TLCD4: variants seen among roughly 807,000 people sequenced by gnomAD.
TLCD4 encodes TLC domain containing 4.
In TLCD4, 7 loss-of-function variants were observed where a neutral mutation model predicts 24.2. That is an observed-to-expected ratio of 0.29 (90% CI 0.16 to 0.54). The LOEUF is 0.54. Ranked by LOEUF, TLCD4 falls within the 20% of genes least tolerant of loss-of-function variation. TLCD4 has a pLI of 0.95. For missense variants in TLCD4, 259 were observed against 313.9 expected (o/e 0.82, Z 1.32); for synonymous variants, 103 against 106.4 (o/e 0.97, Z 0.20).
chr1:95,152,440 T>G (rs561921497), intron 5 of TLCD4, among the ~76,000 whole-genome samples: 29 of 152,154 alleles, frequency 1.9e-4, no homozygotes, highest in Non-Finnish European at 4.1e-4. Flanking sequence ...TTAATACTTA[T>G]GTAACCATTT....
chr1:95,166,921 C>T (rs146988818), intron 5 of TLCD4, among the ~76,000 whole-genome samples: 1 of 151,836 alleles, frequency 6.6e-6, no homozygotes, highest in Non-Finnish European at 1.5e-5. Context: ...TTTTTGTAGA[C>T]GTGGGGTCTT....
intron 1 of TLCD4, among the ~76,000 whole-genome samples, chr1:95,118,316 C>T (rs1310573086): frequency 3.3e-5 from 5 of 152,172 alleles, no homozygotes. Context: ...GTAATGCCAG[C>T]AGTTTCCTAC....
intron 6 of TLCD4, among the ~76,000 whole-genome samples, chr1:95,183,943 G>C (rs1035399899): frequency 6.6e-6 from 1 of 152,134 alleles, no homozygotes; most frequent in African/African-American, 2.4e-5. Context: ...AGTAGTAGGG[G>C]AACCAAAATA....
At position 95,184,621 on chromosome 1, in the gene TLCD4, A is replaced by G. The variant is rs1488352568; in HGVS notation, c.474-6929A>G. On this transcript the variant is annotated intron_variant, in intron 6 of 6. Transcript: ENST00000370203. ...GAGGATTGTATTAATAAATACATAC[A>G]ATTTGCTGTCTTTTATGCCTGTCTT... Among the ~76,000 whole-genome samples, 5 of 152,164 alleles carry G rather than the reference A, an allele frequency of 3.3e-5. No homozygotes were observed. In the East Asian group the frequency reaches 9.6e-4, roughly 29 times the overall value.
upstream of TLCD4, among the ~76,000 whole-genome samples, chr1:95,114,812 C>A (rs1169209622): frequency 1.3e-5 from 2 of 150,286 alleles, no homozygotes; most frequent in Non-Finnish European, 3.0e-5. Flanking sequence ...GGCAACAGAG[C>A]AAGACTCTGT....
intron 5 of TLCD4, among the ~76,000 whole-genome samples, chr1:95,153,543 C>G (rs1677548394): frequency 6.6e-6 from 1 of 152,126 alleles, no homozygotes; most frequent in Non-Finnish European, 1.5e-5. Context: ...ATGATTGCAT[C>G]TCAGTTATGC....
At chr1:95,173,718 GTTATA>G in intron 5 of TLCD4, 93 bp from the exon 6 acceptor site, 1 of 1,503,758 alleles carries the variant, frequency 6.7e-7, no homozygotes, top group Non-Finnish European at 9.1e-7. Flanking sequence ...GGTATTGATT[GTTATA>G]TTATGCTGAG....
At chr1:95,189,215 G>A (rs1282576001) in intron 6 of TLCD4, among the ~76,000 whole-genome samples, 1 of 152,018 alleles carries the variant, frequency 6.6e-6, no homozygotes, top group Admixed American at 6.6e-5. Flanking sequence ...TTGTTTTTGC[G>A]TGAACTAGAG....
chr1:95,159,952 A>T (rs111454048), intron 5 of TLCD4, among the ~76,000 whole-genome samples: 20 of 152,140 alleles, frequency 1.3e-4, no homozygotes, highest in African/African-American at 4.8e-4. Context: ...TGCCTCCAGC[A>T]TTGTTCTTTT....
chr1:95,160,980 T>A (rs973278958), intron 5 of TLCD4, among the ~76,000 whole-genome samples: 3 of 152,222 alleles, frequency 2.0e-5, no homozygotes, highest in African/African-American at 7.2e-5. Context: ...TTGTTGTGTC[T>A]CTGCCAGGCT....
At chr1:95,126,118 G>A (rs1448219304) in intron 1 of TLCD4, among the ~76,000 whole-genome samples, 4 of 145,946 alleles carry the variant, frequency 2.7e-5, no homozygotes, top group East Asian at 4.1e-4. Flanking sequence ...ATAGCGAGAC[G>A]CCATCACTAT....
At chr1:95,142,928 T>A (rs1677246352) in intron 1 of TLCD4, among the ~76,000 whole-genome samples, 1 of 107,660 alleles carries the variant, frequency 9.3e-6, no homozygotes, top group Admixed American at 1.5e-4. Context: ...CACTCTAGCC[T>A]GGGGGACACA....
the TLCD4 span, among the ~76,000 whole-genome samples, chr1:95,095,507 C>T: frequency 2.0e-5 from 3 of 152,112 alleles, no homozygotes; most frequent in Non-Finnish European, 4.4e-5. Context: ...AAGTGATTCT[C>T]CTGCCTCAGC....
chr1:95,093,245 T>C, the TLCD4 span, among the ~76,000 whole-genome samples: 2 of 152,158 alleles, frequency 1.3e-5, no homozygotes, highest in Non-Finnish European at 2.9e-5. Flanking sequence ...TCAAGGAATT[T>C]CTTTCATGGC....
intron 1 of TLCD4, among the ~76,000 whole-genome samples, chr1:95,134,786 A>T (rs1676999348): frequency 6.6e-6 from 1 of 152,220 alleles, no homozygotes; most frequent in South Asian, 2.1e-4. Context: ...CAACAGGCCC[A>T]GAGATTGTAT....
chr1:95,130,161 T>A (rs1367509708), intron 1 of TLCD4, among the ~76,000 whole-genome samples: 2 of 150,526 alleles, frequency 1.3e-5, no homozygotes, highest in Admixed American at 6.6e-5. Flanking sequence ...TTATTTAATT[T>A]ATTTTTTTTT....
chr1:95,106,892 A>C, the TLCD4 span, among the ~76,000 whole-genome samples: 2 of 152,228 alleles, frequency 1.3e-5, no homozygotes, highest in African/African-American at 4.8e-5. Context: ...TGAATGCAGC[A>C]TATGCATTTT....
At chr1:95,180,989 C>A (rs757470282) in intron 6 of TLCD4, among the ~76,000 whole-genome samples, 1 of 151,970 alleles carries the variant, frequency 6.6e-6, no homozygotes, top group East Asian at 1.9e-4. Flanking sequence ...CCCAACTACT[C>A]GGGATGCTGA....
intron 5 of TLCD4, among the ~76,000 whole-genome samples, chr1:95,155,628 A>T (rs1448124358): frequency 6.6e-6 from 1 of 152,038 alleles, no homozygotes; most frequent in Non-Finnish European, 1.5e-5. Context: ...GTCACATGTG[A>T]TGCTATCTGT....
Sources: allele counts gnomAD v4.1 joint callset (sites outside exome capture counted in the v4.1 genomes callset), GRCh38; gene constraint gnomAD v4.1.1; transcripts MANE v1.5; gene names NCBI Gene and HGNC (gene_info 2026-07-23, HGNC 2026-07-21).